The following HK1 variants were observed in gnomAD, a reference collection of about 807,000 sequenced individuals.
HK1 encodes the protein hexokinase 1, also known as hexokinase-1.
In HK1, 28 loss-of-function variants were observed where a neutral mutation model predicts 91.6. That is an observed-to-expected ratio of 0.31 (90% CI 0.23 to 0.42). The LOEUF is 0.42. Ranked by LOEUF, HK1 falls within the 10% of genes least tolerant of loss-of-function variation. HK1 has a pLI of 1.00. For synonymous variants in HK1, 430 were observed against 468.1 expected, an observed-to-expected ratio of 0.92 and a Z score of 1.05; for missense variants, 770 against 1,219.8, an observed-to-expected ratio of 0.63 and a Z score of 5.49.
At chr10:69,332,918 G>A (rs1847809070) in intron 1 of HK1, among the ~76,000 whole-genome samples, 1 of 152,076 alleles carries the variant, frequency 6.6e-6, no homozygotes, top group Admixed American at 6.6e-5. Context: ...CCTGGGCAGG[G>A]GTCCTGAGTG....
rs750838044 is a variant in HK1, at chr10:69,398,587, C to T, written c.2376-8C>T. ...TTCATCCAGCCCTCTGGCTCTTGTC[C>T]CCCACAGTGACCGATTAGCACTGCT... On this transcript the variant is annotated splice_polypyrimidine_tract_variant and splice_region_variant and intron_variant, in intron 16 of 17. Coordinates refer to ENST00000359426, the MANE Select transcript of HK1 (RefSeq NM_000188.3). 11 of 1,610,780 alleles carry T rather than the reference C, an allele frequency of 6.8e-6. No homozygotes were observed. The Admixed American group carries it at 1.7e-4, about 24-fold the overall frequency.
rs1491489087 is a variant in HK1, at chr10:69,276,122, C to CAT, written c.-391+6030_-391+6031dup. ...AAAAAAAAAAAAAAAAAAAAAAATA[C>CAT]ATATATATATATATATACACATATA... On this transcript the variant is annotated intron_variant, in intron 1 of 21. Coordinates refer to the HK1 transcript ENST00000360289. Among the ~76,000 whole-genome samples the CAT allele has an allele frequency of 7.0e-3, 341 of 48,994 alleles. 26 individuals are homozygous for CAT. Among genetic ancestry groups the CAT allele is most frequent in the African/African-American group, 0.022 (325 of 14,574 alleles). The allele number at this position is 48,994 out of a possible 152,430, so 32.1% of individuals were successfully genotyped here. A position where few individuals can be genotyped will look rare whatever the true frequency, so the allele number is the denominator to read the frequency against.
At chr10:69,392,665 G>A (rs1373276968) in intron 15 of HK1, among the ~76,000 whole-genome samples, 3 of 152,182 alleles carry the variant, frequency 2.0e-5, no homozygotes, top group Non-Finnish European at 4.4e-5. Context: ...TGAAGCAGAG[G>A]CCCTGTCGCA....
At chr10:69,394,898 A>G (rs1840067341) in intron 15 of HK1, 52 bp from the exon 16 acceptor site, 19 of 1,592,280 alleles carry the variant, frequency 1.2e-5, no homozygotes, top group Non-Finnish European at 1.6e-5. Flanking sequence ...GAGGGGTGAC[A>G]GTTCTCCTGG....
Position 69,386,609 on chromosome 10 carries a change from C to T in HK1, c.1935+191C>T, listed in dbSNP as rs1180716421. The stretch of plus-strand genomic sequence containing the variant: ...CCAGCCCGGGCAATATGGTGAAACC[C>T]TGTCTCTACTAAAGTTACACAAATT... On this transcript the variant is annotated intron_variant, in intron 13 of 17. Coordinates refer to ENST00000359426, the MANE Select transcript of HK1 (RefSeq NM_000188.3). The T allele has an allele frequency of 1.8e-5, 8 of 448,764 alleles. No homozygotes were observed. The East Asian group carries it at 2.8e-4, about 15-fold the overall frequency. The allele number at this position is 448,764 out of a possible 1,614,324, so 27.8% of individuals were successfully genotyped here.
Position 69,318,927 on chromosome 10 carries a change from C to G in HK1, c.-21C>G. 6.3e-7 allele frequency: 1 copy of G among 1,577,020 alleles called. No homozygotes were observed. The highest frequency in any genetic ancestry group is 1.2e-5 in the South Asian group (1 of 86,590). ...GACCGACCGTCCCCACGCCTGCCGC[C>G]CCGCGACCCCGACCGCCAGCATGAT... On this transcript the variant is annotated 5_prime_UTR_variant, in exon 1 of 18. Coordinates refer to ENST00000359426, the MANE Select transcript of HK1 (RefSeq NM_000188.3).
At chr10:69,279,231 C>T (rs542013351) in intron 1 of HK1, among the ~76,000 whole-genome samples, 3 of 152,312 alleles carry the variant, frequency 2.0e-5, no homozygotes, top group Admixed American at 2.0e-4. Context: ...TTTAGTCTGT[C>T]TCTTTCTAAA....
At chr10:69,285,781 T>C (rs985812124) in intron 2 of HK1, among the ~76,000 whole-genome samples, 2 of 152,088 alleles carry the variant, frequency 1.3e-5, no homozygotes, top group African/African-American at 4.8e-5. Context: ...GCTTGCATGG[T>C]GGGCTGGTGG....
intron 1 of HK1, among the ~76,000 whole-genome samples, chr10:69,320,463 C>G (rs552102801): frequency 7.9e-5 from 12 of 152,290 alleles, no homozygotes; most frequent in African/African-American, 2.9e-4. Flanking sequence ...ATGGAGCACC[C>G]TGGAGCTTCC....
chr10:69,324,903 A>G (rs1369094573), intron 1 of HK1, among the ~76,000 whole-genome samples: 2 of 152,180 alleles, frequency 1.3e-5, no homozygotes, highest in Non-Finnish European at 2.9e-5. Flanking sequence ...GATCTTAAAG[A>G]AAAATAGGTA....
intron 5 of HK1, among the ~76,000 whole-genome samples, chr10:69,307,343 T>G (rs990200270): frequency 6.6e-6 from 1 of 152,128 alleles, no homozygotes; most frequent in South Asian, 2.1e-4. Context: ...CTTGCAGATC[T>G]GCCTCTCTGT....
At chr10:69,335,832 C>T (rs1170027041) in intron 1 of HK1, among the ~76,000 whole-genome samples, 6 of 152,214 alleles carry the variant, frequency 3.9e-5, no homozygotes, top group African/African-American at 7.2e-5. Flanking sequence ...CTACATGGCC[C>T]CGACTGTGCC....
intron 1 of HK1, among the ~76,000 whole-genome samples, chr10:69,274,294 T>C (rs972750094): frequency 6.6e-6 from 1 of 152,050 alleles, no homozygotes; most frequent in African/African-American, 2.4e-5. Context: ...ATTTTTCAAA[T>C]TTTAATTTAA....
upstream of HK1, among the ~76,000 whole-genome samples, chr10:69,313,549 G>C (rs1328617991): frequency 1.3e-5 from 2 of 152,122 alleles, no homozygotes; most frequent in Admixed American, 6.6e-5. Flanking sequence ...CACAACCTCT[G>C]CCTCCCGGGT....
At chr10:69,374,386 C>T (rs780992696) in intron 7 of HK1, among the ~76,000 whole-genome samples, 7 of 152,260 alleles carry the variant, frequency 4.6e-5, no homozygotes, top group Non-Finnish European at 1.0e-4. Context: ...CGCCGCCTCT[C>T]ACTGCCTGTC....
At position 69,379,843 on chromosome 10, in the gene HK1, T is replaced by A. The variant is rs760094380; in HGVS notation, c.1032-19T>A. ...TCATGTGGTCCTCAGTGCATCAGTATTGGCTTCTAACTTCACAGGAATAAG... is the reference window on the plus strand; with the variant it reads ...TCATGTGGTCCTCAGTGCATCAGTAATGGCTTCTAACTTCACAGGAATAAG... On this transcript the variant is annotated intron_variant, in intron 8 of 17. Transcript: ENST00000359426. The A allele has an allele frequency of 6.4e-7, 1 of 1,567,924 alleles. No individual in the cohort carries two copies. Among genetic ancestry groups the A allele is most frequent in the East Asian group, 2.2e-5 (1 of 44,684 alleles).
intron 1 of HK1, among the ~76,000 whole-genome samples, chr10:69,321,002 T>C (rs1846989739): frequency 6.6e-6 from 1 of 152,176 alleles, no homozygotes; most frequent in African/African-American, 2.4e-5. Flanking sequence ...CTGATGTTCT[T>C]CCCTTCTCTT....
chr10:69,371,690 C>T (rs1850014489), intron 7 of HK1, among the ~76,000 whole-genome samples: 1 of 152,288 alleles, frequency 6.6e-6, no homozygotes, highest in Non-Finnish European at 1.5e-5. Flanking sequence ...CCCTGCATGG[C>T]TTGGGTGTAA....
At position 69,401,024 on chromosome 10, in the gene HK1, A is replaced by G. The variant is rs761910771; in HGVS notation, c.2643A>G (p.Glu881=). ...FSRIMHQTVK[E]LSPKCNVSFL... is the part of the protein sequence containing the mutation. The stretch of plus-strand genomic sequence containing the variant: ...GAATCATGCACCAGACGGTGAAGGA[A>G]CTGTCACCAAAATGTAACGTGTCCT... Residue 881 remains glutamate, a synonymous_variant, in exon 18 of 18, where the codon GAA becomes GAG. Transcript: ENST00000359426. 1.2e-6 allele frequency: 2 copies of G among 1,614,060 alleles called. No homozygotes were observed. Among genetic ancestry groups the G allele is most frequent in the Admixed American group, 1.7e-5 (1 of 60,008 alleles).
Sources: allele counts gnomAD v4.1 joint callset (sites outside exome capture counted in the v4.1 genomes callset), GRCh38; gene constraint gnomAD v4.1.1; transcripts MANE v1.5; gene names NCBI Gene and HGNC (gene_info 2026-07-23, HGNC 2026-07-21).